The following CARMIL1 variants were observed in gnomAD, a reference collection of about 807,000 sequenced individuals.
CARMIL1 encodes the protein F-actin-uncapping protein LRRC16A.
CARMIL1 carries 90 observed loss-of-function variants against 177.1 expected under a neutral mutation model. That is an observed-to-expected ratio of 0.51 (90% CI 0.43 to 0.61). The LOEUF (loss-of-function observed/expected upper bound fraction) is 0.61, where lower values mean the gene tolerates loss of function less well. Ranked by LOEUF, CARMIL1 falls within the 20% of genes least tolerant of loss-of-function variation. The pLI is 0.00. For missense variants in CARMIL1, 1,380 were observed against 1,667.0 expected (o/e 0.83, Z 3.00); for synonymous variants, 577 against 606.2 (o/e 0.95, Z 0.71).
rs1344118630 is a variant in CARMIL1, at chr6:25,515,212, A to G, written c.1633-463A>G. 1.3e-5 allele frequency among the ~76,000 whole-genome samples: 2 copies of G among 152,190 alleles called. No homozygotes were observed. The highest frequency in any genetic ancestry group is 2.9e-5 in the Non-Finnish European group (2 of 68,032). On this transcript the variant is annotated intron_variant, in intron 20 of 36. Coordinates refer to ENST00000329474, the MANE Select transcript of CARMIL1 (RefSeq NM_017640.6). The surrounding 1 kb of genome is among the most constrained non-coding windows in gnomAD (Gnocchi z 5.0). ...AAAAGCTTAAATGGTGGTTAAACATAGTAATTGTTCAATAATTGTCAGCTA... is the reference window on the plus strand; with the variant it reads ...AAAAGCTTAAATGGTGGTTAAACATGGTAATTGTTCAATAATTGTCAGCTA...
intron 2 of CARMIL1, among the ~76,000 whole-genome samples, chr6:25,372,857 C>T (rs953573274): frequency 6.6e-6 from 1 of 152,160 alleles, no homozygotes; most frequent in Non-Finnish European, 1.5e-5. Context: ...TTTTCCCCTT[C>T]AGTATGATGT....
intron 2 of CARMIL1, among the ~76,000 whole-genome samples, chr6:25,323,451 C>A (rs906162017): frequency 2.0e-5 from 3 of 150,924 alleles, no homozygotes; most frequent in Non-Finnish European, 4.4e-5. Context: ...GGCAAAAAAC[C>A]CCCCAGAATT....
Position 25,480,298 on chromosome 6 carries a change from G to GTAA in CARMIL1, c.875-1956_875-1954dup, listed in dbSNP as rs892457553. Among the ~76,000 whole-genome samples, 3 of 152,102 alleles carry GTAA rather than the reference G, an allele frequency of 2.0e-5. 1 individual carries two copies. Among genetic ancestry groups the GTAA allele is most frequent in the Admixed American group, 6.5e-5 (1 of 15,284 alleles). Reference sequence around the variant, plus strand: ...TTATTATATATGCGTGTGTGTTTATGTAATATGTGTATTTTCCTTTTGTTA... The same window carrying GTAA: ...TTATTATATATGCGTGTGTGTTTATGTAATAATATGTGTATTTTCCTTTTGTTA... On this transcript the variant is annotated intron_variant, in intron 11 of 36. Coordinates refer to ENST00000329474, the MANE Select transcript of CARMIL1 (RefSeq NM_017640.6).
chr6:25,430,411 T>C (rs1283761475), intron 4 of CARMIL1, among the ~76,000 whole-genome samples: 1 of 149,894 alleles, frequency 6.7e-6, no homozygotes, highest in Non-Finnish European at 1.5e-5. Flanking sequence ...ATTTGGGCCT[T>C]GAGTTTTCTC....
intron 5 of CARMIL1, among the ~76,000 whole-genome samples, chr6:25,437,513 A>C (rs1201141477): frequency 6.6e-6 from 1 of 152,204 alleles, no homozygotes. Context: ...TGTTTCTAGG[A>C]AGAAAGTTCC....
chr6:25,425,417 C>T (rs769165973), intron 3 of CARMIL1, among the ~76,000 whole-genome samples: 2 of 152,142 alleles, frequency 1.3e-5, no homozygotes, highest in African/African-American at 4.8e-5. Context: ...CGTTTTTCTG[C>T]TCTAAAATTT....
At chr6:25,313,625 G>C (rs1242564710) in intron 2 of CARMIL1, among the ~76,000 whole-genome samples, 1 of 147,932 alleles carries the variant, frequency 6.8e-6, no homozygotes. Context: ...GTCAAGGACA[G>C]AGACCTTGTA....
At chr6:25,479,347 A>G in intron 11 of CARMIL1, 1 of 427,422 alleles carries the variant, frequency 2.3e-6, no homozygotes, top group Non-Finnish European at 4.6e-6. Flanking sequence ...CCTTGAATAG[A>G]TAGAGAACTA....
intron 11 of CARMIL1, chr6:25,472,754 AAT>A: frequency 2.0e-6 from 1 of 503,926 alleles, no homozygotes; most frequent in Non-Finnish European, 3.5e-6. Context: ...TATTATTTTT[AAT>A]ATGTTTTATT....
intron 2 of CARMIL1, among the ~76,000 whole-genome samples, chr6:25,313,750 C>T (rs948686663): frequency 4.0e-5 from 6 of 148,506 alleles, no homozygotes; most frequent in Non-Finnish European, 7.4e-5. Flanking sequence ...CCTTAAACTT[C>T]CAAATAAATG....
intron 4 of CARMIL1, among the ~76,000 whole-genome samples, chr6:25,431,320 T>C (rs961695378): frequency 2.0e-5 from 3 of 152,136 alleles, no homozygotes; most frequent in African/African-American, 7.2e-5. Flanking sequence ...CATAATGTTC[T>C]TTAAAATTGT....
chr6:25,335,162 A>G (rs746039087), intron 2 of CARMIL1, among the ~76,000 whole-genome samples: 2 of 152,158 alleles, frequency 1.3e-5, no homozygotes, highest in African/African-American at 4.8e-5. Context: ...CTTGGGAATC[A>G]TCTGTGCTGA....
intron 2 of CARMIL1, among the ~76,000 whole-genome samples, chr6:25,331,361 T>C (rs1485141794): frequency 6.6e-6 from 1 of 152,224 alleles, no homozygotes; most frequent in East Asian, 1.9e-4. Context: ...CCACTGATGC[T>C]GCAGCCCATG....
intron 2 of CARMIL1, among the ~76,000 whole-genome samples, chr6:25,415,150 C>G (rs1433338327): frequency 6.6e-6 from 1 of 151,208 alleles, no homozygotes. Context: ...TTTTTCTACT[C>G]TTTTTTTTTC....
At chr6:25,318,000 C>T (rs961342261) in intron 2 of CARMIL1, among the ~76,000 whole-genome samples, 1 of 152,006 alleles carries the variant, frequency 6.6e-6, no homozygotes, top group Non-Finnish European at 1.5e-5. Flanking sequence ...TGTGTAGAAA[C>T]CGTAAAGCGT....
chr6:25,614,367 C>G (rs1569483), intron 36 of CARMIL1, among the ~76,000 whole-genome samples: 43,190 of 152,048 alleles, frequency 0.28, 6,195 homozygotes, highest in Non-Finnish European at 0.3. Context: ...TAAGTTGACC[C>G]TTTACTTTTA....
intron 31 of CARMIL1, among the ~76,000 whole-genome samples, chr6:25,584,773 G>A (rs57141743): frequency 0.13 from 20,505 of 152,162 alleles, 1,787 homozygotes; most frequent in South Asian, 0.19. Flanking sequence ...GCAGTTTCTC[G>A]AATGAAACTT....
At chr6:25,445,980 A>C (rs180804536) in intron 5 of CARMIL1, among the ~76,000 whole-genome samples, 46 of 152,210 alleles carry the variant, frequency 3.0e-4, no homozygotes, top group Admixed American at 9.2e-4. Context: ...TTTGACAGGA[A>C]TCTCTTTTTC....
intron 12 of CARMIL1, among the ~76,000 whole-genome samples, chr6:25,485,624 G>T (rs1170213298): frequency 6.6e-6 from 1 of 151,944 alleles, no homozygotes; most frequent in Non-Finnish European, 1.5e-5. Flanking sequence ...TAGTAGAGAT[G>T]AGTTTTCGCC....
Sources: gnomAD v4.1 joint callset for allele counts (sites outside exome capture counted in the v4.1 genomes callset) on GRCh38, gnomAD v4.1.1 for gene constraint, Gnocchi (gnomAD v3.1) non-coding constraint, MANE v1.5 for transcripts, NCBI Gene and HGNC (gene_info 2026-07-23, HGNC 2026-07-21) for gene names.